Variants in LONP2 observed in about 807,000 individuals in gnomAD.
LONP2 encodes lon peptidase 2, peroxisomal.
LONP2 carries 60 observed loss-of-function variants against 85.6 expected under a neutral mutation model. The observed-to-expected ratio is 0.70, with a 90% CI of 0.57 to 0.87. LONP2 has a LOEUF of 0.87. Among genes scored for constraint, LONP2 ranks in the 40% least tolerant of loss-of-function variants. The pLI, the probability that LONP2 is intolerant of heterozygous loss-of-function variation, is 0.00. For synonymous variants in LONP2, 395 were observed against 389.7 expected, an observed-to-expected ratio of 1.01 and a Z score of -0.16; for missense variants, 860 against 1,063.5, an observed-to-expected ratio of 0.81 and a Z score of 2.66.
intron 12 of LONP2, among the ~76,000 whole-genome samples, chr16:48,338,084 A>G (rs894501404): frequency 5.9e-5 from 9 of 152,210 alleles, no homozygotes; most frequent in Non-Finnish European, 1.0e-4. Context: ...CTGGAATTAT[A>G]GGCATGAGCC....
intron 5 of LONP2, among the ~76,000 whole-genome samples, chr16:48,262,537 A>C (rs1971899300): frequency 6.6e-6 from 1 of 152,164 alleles, no homozygotes; most frequent in Admixed American, 6.5e-5. Flanking sequence ...GAAGGGAAGA[A>C]CCCCTCCCTG....
intron 11 of LONP2, among the ~76,000 whole-genome samples, chr16:48,329,485 A>G (rs184464275): frequency 9.1e-4 from 138 of 152,358 alleles, no homozygotes; most frequent in Non-Finnish European, 1.6e-3. Flanking sequence ...CCCAAAGCCA[A>G]GAGCAGTGAT....
At chr16:48,301,181 C>T (rs2151000363) in intron 10 of LONP2, among the ~76,000 whole-genome samples, 1 of 152,196 alleles carries the variant, frequency 6.6e-6, no homozygotes. Context: ...AGTTTTTCAT[C>T]TTTTGTGATA....
rs907487667 is a variant in LONP2, at chr16:48,351,764, G to A, written c.2521G>A (p.Val841Ile). 9 of 1,614,054 alleles carry A rather than the reference G, an allele frequency of 5.6e-6. No homozygotes were observed. The highest frequency in any genetic ancestry group is 1.3e-5 in the African/African-American group (1 of 74,918). The change falls in exon 15 of 15, where the codon GTC becomes ATC. Residue 841 changes from valine (V) to isoleucine (I), a missense_variant. Transcript: ENST00000285737. Reference sequence around the variant, plus strand: ...TGCAGCTTTTGATGGTGGCTTTACTGTCAAGACCAGACCTGGTCTGTTAAA... The same window carrying A: ...TGCAGCTTTTGATGGTGGCTTTACTATCAAGACCAGACCTGGTCTGTTAAA... ...LNAAFDGGFT[V>I]KTRPGLLNSK...
intron 11 of LONP2, among the ~76,000 whole-genome samples, chr16:48,332,595 C>G (rs1484719885): frequency 6.6e-6 from 1 of 152,090 alleles, no homozygotes; most frequent in Non-Finnish European, 1.5e-5. Context: ...GCCTGTAGTC[C>G]CAGCTACAGG....
intron 7 of LONP2, among the ~76,000 whole-genome samples, chr16:48,275,000 C>T (rs60230358): frequency 0.014 from 2,084 of 152,236 alleles, 48 homozygotes; most frequent in African/African-American, 0.047. Flanking sequence ...CTATAAAAGA[C>T]ATTTGCAAAA....
At chr16:48,248,422 T>C (rs1359251316) in intron 1 of LONP2, among the ~76,000 whole-genome samples, 1 of 151,898 alleles carries the variant, frequency 6.6e-6, no homozygotes, top group East Asian at 1.9e-4. Context: ...CACCATGCCA[T>C]GTTCTACCTT....
At chr16:48,316,620 C>G (rs560544617) in intron 11 of LONP2, among the ~76,000 whole-genome samples, 2 of 152,358 alleles carry the variant, frequency 1.3e-5, no homozygotes, top group South Asian at 4.1e-4. Flanking sequence ...GGCCACCACA[C>G]CCGGCCAGGA....
In LONP2 at chr16:48,322,448, C is replaced by A. The variant is rs564901006; in HGVS notation, c.1796-11768C>A. Among the ~76,000 whole-genome samples, 7 of 152,282 alleles carry A rather than the reference C, an allele frequency of 4.6e-5. 1 individual carries two copies. Among genetic ancestry groups the A allele is most frequent in the East Asian group, 1.9e-4 (1 of 5,180 alleles). ...CTGTCTTCCACTTCCACATCTTGGC[C>A]CACTGGAAGGTCTTCAGAGGCAGTA... is the stretch of plus-strand genomic sequence containing the variant. On this transcript the variant is annotated intron_variant, in intron 11 of 14. Coordinates refer to ENST00000285737, the MANE Select transcript of LONP2 (RefSeq NM_031490.5).
At chr16:48,348,000 T>C in intron 13 of LONP2, 100 bp from the exon 14 acceptor site, 1 of 1,133,272 alleles carries the variant, frequency 8.8e-7, no homozygotes, top group Non-Finnish European at 1.3e-6. Flanking sequence ...GAAGAATTCA[T>C]TTACCCAAAA....
intron 8 of LONP2, among the ~76,000 whole-genome samples, chr16:48,293,886 T>G (rs1284451907): frequency 1.3e-5 from 2 of 152,224 alleles, no homozygotes; most frequent in African/African-American, 4.8e-5. Flanking sequence ...GATGATAGTT[T>G]TAACTATTTT....
intron 8 of LONP2, among the ~76,000 whole-genome samples, chr16:48,281,458 A>G (rs566228214): frequency 2.0e-5 from 3 of 152,296 alleles, no homozygotes; most frequent in South Asian, 2.1e-4. Flanking sequence ...GGGCAAGTCT[A>G]TAACTGAGTA....
chr16:48,272,123 C>T (rs932471918), intron 7 of LONP2, among the ~76,000 whole-genome samples: 1 of 152,246 alleles, frequency 6.6e-6, no homozygotes, highest in East Asian at 1.9e-4. Flanking sequence ...TTGGAAAGCA[C>T]TTATTCAATA....
At chr16:48,255,087 A>G (rs953045556) in intron 2 of LONP2, among the ~76,000 whole-genome samples, 1 of 152,202 alleles carries the variant, frequency 6.6e-6, no homozygotes, top group Non-Finnish European at 1.5e-5. Flanking sequence ...AACTGACTAA[A>G]TGAAGGTTTA....
intron 5 of LONP2, 58 bp downstream of exon 5, chr16:48,261,645 C>A: frequency 8.2e-7 from 1 of 1,226,474 alleles, no homozygotes; most frequent in Non-Finnish European, 1.1e-6. Flanking sequence ...TCCTGATTAA[C>A]ACCACTTTCA....
At chr16:48,290,213 C>A (rs1252139262) in intron 8 of LONP2, among the ~76,000 whole-genome samples, 1 of 152,176 alleles carries the variant, frequency 6.6e-6, no homozygotes, top group Non-Finnish European at 1.5e-5. Flanking sequence ...ATGTCCTGAA[C>A]ACTTTTCTCA....
intron 11 of LONP2, among the ~76,000 whole-genome samples, chr16:48,328,312 GT>G (rs1469216935): frequency 1.3e-5 from 2 of 151,654 alleles, no homozygotes; most frequent in Non-Finnish European, 2.9e-5. Context: ...TTGAGAGGCT[GT>G]GGCGGGTGAA....
In LONP2 at chr16:48,267,427, G is replaced by A. The variant is rs1201340157; in HGVS notation, c.983-2589G>A. On this transcript the variant is annotated intron_variant, in intron 6 of 14. Coordinates refer to ENST00000285737, the MANE Select transcript of LONP2 (RefSeq NM_031490.5). ...CAATTCTCCTGCCTCAGCCTCTCAA[G>A]TAGCTGGGATTACAGGCGCTTGCAA... 1.3e-5 allele frequency among the ~76,000 whole-genome samples: 2 copies of A among 152,094 alleles called. 1 individual carries two copies. Among genetic ancestry groups the A allele is most frequent in the South Asian group, 4.1e-4 (2 of 4,824 alleles).
rs185183447 is a variant in LONP2, at chr16:48,348,158, A to C, written c.2205A>C (p.Gly735=). 2.5e-4 allele frequency: 398 copies of C among 1,611,922 alleles called. 4 individuals are homozygous for C. In the East Asian group the frequency reaches 8.7e-3, roughly 35 times the overall value. The stretch of plus-strand genomic sequence containing the variant: ...ACATCCATCTGCACTTCCCAGCTGG[A>C]GCTGTCACAAAAGATGGACCATCTG... ...NTDIHLHFPA[G]AVTKDGPSAG... The change falls in exon 14 of 15, where the codon GGA becomes GGC. Residue 735 remains glycine, a synonymous_variant. Coordinates refer to ENST00000285737, the MANE Select transcript of LONP2 (RefSeq NM_031490.5).
Sources: gnomAD v4.1 joint callset for allele counts (sites outside exome capture counted in the v4.1 genomes callset) on GRCh38, gnomAD v4.1.1 for gene constraint, MANE v1.5 for transcripts, NCBI Gene and HGNC (gene_info 2026-07-23, HGNC 2026-07-21) for gene names.